The following PIAS1 variants were observed in gnomAD, a reference collection of about 807,000 sequenced individuals.
PIAS1 encodes protein inhibitor of activated STAT 1, also known as E3 SUMO-protein ligase PIAS1.
In PIAS1, 6 loss-of-function variants were observed where a neutral mutation model predicts 71.3. The ratio of observed to expected loss-of-function variants is 0.08; its 90% CI spans 0.05 to 0.17. The LOEUF is 0.17. PIAS1 is among the 10% of genes least tolerant of loss of function. The pLI, the probability that PIAS1 is intolerant of heterozygous loss-of-function variation, is 1.00. For missense variants in PIAS1, 555 were observed against 793.6 expected (o/e 0.70, Z 3.61); for synonymous variants, 303 against 292.9 (o/e 1.03, Z -0.35).
chr15:68,114,636 G>A (rs958807065), intron 2 of PIAS1, among the ~76,000 whole-genome samples: 1 of 152,006 alleles, frequency 6.6e-6, no homozygotes, highest in Non-Finnish European at 1.5e-5. Context: ...TGGTGAGGTG[G>A]AATAGCAAAT....
At chr15:68,135,095 G>A (rs2092716970) in intron 2 of PIAS1, among the ~76,000 whole-genome samples, 1 of 49,482 alleles carries the variant, frequency 2.0e-5, no homozygotes, top group African/African-American at 4.2e-5. Flanking sequence ...CGGGCGGGGG[G>A]CTGACCCCCC....
chr15:68,080,522 A>G (rs1007733936), intron 1 of PIAS1, among the ~76,000 whole-genome samples: 1 of 152,238 alleles, frequency 6.6e-6, no homozygotes, highest in Non-Finnish European at 1.5e-5. Flanking sequence ...GCTGCTTTGA[A>G]TAGAAACTGT....
Position 68,191,485 on chromosome 15 carries a change from A to G in PIAS1, c.*3650A>G, listed in dbSNP as rs2093119886. Reference sequence around the variant, plus strand: ...GTTAATTTGTCTTCTGTAAAATAACACTGCTGGATGTTCAAGGGGACAATC... The same window carrying G: ...GTTAATTTGTCTTCTGTAAAATAACGCTGCTGGATGTTCAAGGGGACAATC... On this transcript the variant is annotated 3_prime_UTR_variant, in exon 14 of 14. Transcript: ENST00000249636. The G allele has an allele frequency of 2.0e-5, 3 of 152,696 alleles. No individual in the cohort carries two copies. Among genetic ancestry groups the G allele is most frequent in the Admixed American group, 2.0e-4 (3 of 15,286 alleles). 9.5% of individuals were successfully genotyped at this position (152,696 alleles called of 1,614,324 possible). A position where few individuals can be genotyped will look rare whatever the true frequency, so the allele number is the denominator to read the frequency against.
At chr15:68,158,869 T>A (rs1295411350) in intron 7 of PIAS1, among the ~76,000 whole-genome samples, 2 of 152,206 alleles carry the variant, frequency 1.3e-5, no homozygotes, top group Non-Finnish European at 2.9e-5. Flanking sequence ...GTTCTCTATC[T>A]GCACTGTCCC....
chr15:68,090,112 T>C (rs774238372), intron 2 of PIAS1, among the ~76,000 whole-genome samples: 3 of 151,880 alleles, frequency 2.0e-5, no homozygotes, highest in Admixed American at 6.6e-5. Flanking sequence ...ACTCCTGGAC[T>C]CAAGTGATCT....
intron 2 of PIAS1, among the ~76,000 whole-genome samples, chr15:68,110,767 T>G (rs1425603383): frequency 2.0e-5 from 3 of 152,082 alleles, no homozygotes; most frequent in Non-Finnish European, 2.9e-5. Context: ...TTATTCTCAA[T>G]AAATTCTATG....
chr15:68,167,191 T>TTGTGTG lies in PIAS1; in HGVS notation c.1008+2405_1008+2410dup, dbSNP rs71725124. 4.4e-4 allele frequency among the ~76,000 whole-genome samples: 66 copies of TTGTGTG among 149,574 alleles called. No homozygotes were observed. Among genetic ancestry groups the TTGTGTG allele is most frequent in the Admixed American group, 1.2e-3 (18 of 14,970 alleles). On this transcript the variant is annotated intron_variant, in intron 8 of 13. Transcript: ENST00000249636. The surrounding 1 kb of genome is among the most constrained non-coding windows in gnomAD (Gnocchi z 4.4). Reference sequence around the variant, plus strand: ...AAAACAAAACAACTATATATGTATATTGTGTGTGTGTGTGTGTGTGTGTAT... The same window carrying TTGTGTG: ...AAAACAAAACAACTATATATGTATATTGTGTGTGTGTGTGTGTGTGTGTGTGTGTAT...
rs1490895450 is a variant in PIAS1 at position 68,176,612 on chromosome 15, C to T, written c.1439C>T (p.Thr480Ile). 3 of 1,609,616 alleles carry T rather than the reference C, an allele frequency of 1.9e-6. No individual in the cohort carries two copies. Among genetic ancestry groups the T allele is most frequent in the South Asian group, 2.2e-5 (2 of 90,552 alleles). Residue 480 changes from threonine to isoleucine, a missense_variant, in exon 11 of 14, where the codon ACC (threonine) becomes ATC (isoleucine). By Grantham distance (89) the Thr-to-Ile change is moderately conservative (BLOSUM62 -1). Coordinates refer to ENST00000249636, the MANE Select transcript of PIAS1 (RefSeq NM_016166.3). ...GAAGAAGAGCCATCTGCCAAGAGGA[C>T]CTGTCCTTCCCTATCTCCCACATCA... is the stretch of plus-strand genomic sequence containing the variant. ...EEEEEPSAKR[T>I]CPSLSPTSPL...
intron 11 of PIAS1, among the ~76,000 whole-genome samples, chr15:68,179,565 T>TTTTTTTTTTTTTTTTG (rs2093040733): frequency 3.1e-5 from 1 of 31,860 alleles, no homozygotes; most frequent in Non-Finnish European, 5.4e-5. Context: ...TGAAATGTTC[T>TTTTTTTTTTTTTTTTG]TTTTTTTTTT....
At chr15:68,069,930 G>A (rs1446700212) in intron 1 of PIAS1, among the ~76,000 whole-genome samples, 1 of 151,994 alleles carries the variant, frequency 6.6e-6, no homozygotes, top group African/African-American at 2.4e-5. Flanking sequence ...TAATTAGGAA[G>A]AACTTTATTT....
At chr15:68,110,454 G>A (rs972950854) in intron 2 of PIAS1, among the ~76,000 whole-genome samples, 3 of 152,046 alleles carry the variant, frequency 2.0e-5, no homozygotes, top group Non-Finnish European at 4.4e-5. Flanking sequence ...AAATTAGCCC[G>A]GTGTGGTGGC....
At chr15:68,085,869 G>C (rs1429843327) in intron 1 of PIAS1, among the ~76,000 whole-genome samples, 1 of 152,126 alleles carries the variant, frequency 6.6e-6, no homozygotes, top group Non-Finnish European at 1.5e-5. Flanking sequence ...GTTTGAGATG[G>C]ACTGTTTGTT....
At chr15:68,184,700 A>G (rs888981625) in intron 13 of PIAS1, 1 of 152,356 alleles carries the variant, frequency 6.6e-6, no homozygotes, top group African/African-American at 2.4e-5. Context: ...TTGCCAGACA[A>G]ATTTTCAATA....
chr15:68,067,200 A>T (rs2092038928), intron 1 of PIAS1, among the ~76,000 whole-genome samples: 1 of 152,126 alleles, frequency 6.6e-6, no homozygotes, highest in South Asian at 2.1e-4. Context: ...ATGGTAGGGA[A>T]GTTGTCTCAT....
intron 2 of PIAS1, chr15:68,087,993 A>G (rs928599546): frequency 4.3e-6 from 1 of 231,906 alleles, no homozygotes; most frequent in African/African-American, 2.3e-5. Flanking sequence ...TGCTCATTGT[A>G]AAAAATGGAA....
chr15:68,179,561 GTTCTTTTTTT>G (rs1171827070), intron 11 of PIAS1, among the ~76,000 whole-genome samples: 22 of 30,190 alleles, frequency 7.3e-4, no homozygotes, highest in African/African-American at 1.4e-3. Context: ...CTCGTGAAAT[GTTCTTTTTTT>G]TTTTTTTTTT....
intron 1 of PIAS1, among the ~76,000 whole-genome samples, chr15:68,076,786 A>G (rs1397664772): frequency 2.0e-5 from 3 of 152,216 alleles, no homozygotes; most frequent in African/African-American, 7.2e-5. Context: ...AATTCATATC[A>G]TCATCTGTTG....
intron 7 of PIAS1, among the ~76,000 whole-genome samples, chr15:68,163,849 G>A (rs1040456344): frequency 3.9e-5 from 6 of 152,128 alleles, no homozygotes; most frequent in African/African-American, 9.7e-5. Context: ...GTTATTATGG[G>A]ACAGTTTCTA....
chr15:68,103,252 A>G (rs2092443124), intron 2 of PIAS1, among the ~76,000 whole-genome samples: 2 of 149,974 alleles, frequency 1.3e-5, no homozygotes, highest in African/African-American at 4.9e-5. Context: ...TCTTAGGGGG[A>G]AAGCTTCAAG....
Sources: allele counts gnomAD v4.1 joint callset (sites outside exome capture counted in the v4.1 genomes callset), GRCh38; gene constraint gnomAD v4.1.1; non-coding constraint Gnocchi (gnomAD v3.1); transcripts MANE v1.5; gene names NCBI Gene and HGNC (gene_info 2026-07-23, HGNC 2026-07-21).